The following CFAP161 variants were observed in gnomAD, a reference collection of about 807,000 sequenced individuals.
The protein encoded by CFAP161 is cilia- and flagella-associated protein 161.
CFAP161 carries 25 observed loss-of-function variants against 29.0 expected under a neutral mutation model. The observed-to-expected ratio is 0.86, with a 90% CI of 0.63 to 1.20. The LOEUF (loss-of-function observed/expected upper bound fraction) is 1.20. CFAP161 is among the 50% of genes most tolerant of loss of function. The pLI is 0.00. For missense variants in CFAP161, 367 were observed against 371.9 expected, an observed-to-expected ratio of 0.99 and a Z score of 0.11; for synonymous variants, 116 against 137.4, an observed-to-expected ratio of 0.84 and a Z score of 1.09.
chr15:81,117,197 T>C (rs75153028), intron 1 of CFAP161, among the ~76,000 whole-genome samples: 5,304 of 147,388 alleles, frequency 0.036, 328 homozygotes, highest in African/African-American at 0.12. Context: ...TTTCCAATTG[T>C]ATCATACTTA....
chr15:81,112,792 A>C (rs1894454158), intron 1 of CFAP161, among the ~76,000 whole-genome samples: 1 of 152,226 alleles, frequency 6.6e-6, no homozygotes, highest in Non-Finnish European at 1.5e-5. Context: ...TAAATACATA[A>C]ATCATAAAAA....
At chr15:81,145,330 C>A (rs1894988977) in intron 5 of CFAP161, among the ~76,000 whole-genome samples, 1 of 152,224 alleles carries the variant, frequency 6.6e-6, no homozygotes, top group Non-Finnish European at 1.5e-5. Context: ...GAATTGCCTT[C>A]TAGTTCCACA....
At chr15:81,124,112 G>A (rs1403281919) in intron 1 of CFAP161, among the ~76,000 whole-genome samples, 1 of 152,134 alleles carries the variant, frequency 6.6e-6, no homozygotes, top group Non-Finnish European at 1.5e-5. Flanking sequence ...TCCTTGTCTT[G>A]TGCCAGTTTT....
rs866710598 is a variant in CFAP161 at position 81,135,361 on chromosome 15, T to C, written c.159+2T>C. ...CTAAAACAGAATCTCTTGAGACCGGTAACTTTTTTTTTTTTTATTACACTT... is the reference window on the plus strand; with the variant it reads ...CTAAAACAGAATCTCTTGAGACCGGCAACTTTTTTTTTTTTTATTACACTT... On this transcript the variant is annotated splice_donor_variant, in intron 2 of 6. Transcript: ENST00000286732. LOFTEE classifies it high-confidence loss of function. The C allele has an allele frequency of 1.3e-6, 2 of 1,572,608 alleles. No homozygotes were observed. The highest frequency in any genetic ancestry group is 1.7e-6 in the Non-Finnish European group (2 of 1,165,516).
At chr15:81,120,158 C>T (rs2141868309) in intron 1 of CFAP161, among the ~76,000 whole-genome samples, 1 of 152,302 alleles carries the variant, frequency 6.6e-6, no homozygotes. Context: ...AGTGTGATTG[C>T]TCTTCCTTAG....
chr15:81,103,949 C>G (rs536817522), intron 1 of CFAP161, among the ~76,000 whole-genome samples: 1 of 144,386 alleles, frequency 6.9e-6, no homozygotes, highest in African/African-American at 2.4e-5. Context: ...CACAGATGTC[C>G]TCTTCTATGT....
chr15:81,101,650 C>G (rs1894305598), intron 1 of CFAP161, among the ~76,000 whole-genome samples: 1 of 150,676 alleles, frequency 6.6e-6, no homozygotes, highest in Non-Finnish European at 1.5e-5. Flanking sequence ...TGGGCAATAG[C>G]TCTTTGCCGA....
exon 2 of CFAP161, chr15:81,127,673 T>C (rs1199767574): frequency 3.9e-5 from 6 of 152,044 alleles, no homozygotes; most frequent in African/African-American, 1.4e-4. Flanking sequence ...GAGAGAAAAC[T>C]CACCAGGGCA....
chr15:81,125,860 GTTTGTTTTTGTT>G (rs532050174), intron 1 of CFAP161, among the ~76,000 whole-genome samples: 17 of 151,810 alleles, frequency 1.1e-4, no homozygotes, highest in Admixed American at 5.2e-4. Context: ...TGTTTTTTTT[GTTTGTTTTTGTT>G]TTTGTTTTTG....
rs568054920 is a variant in CFAP161 at position 81,103,236 on chromosome 15, G to A, written c.-141-24354G>A. ...TACTGTAGTGTTGTGATAAAGACTG[G>A]TTTTCATCTATGATTCCTGGCTCAT... On this transcript the variant is annotated intron_variant, in intron 1 of 4. Coordinates refer to the CFAP161 transcript ENST00000560091. Among the ~76,000 whole-genome samples, 53 of 152,300 alleles carry A rather than the reference G, an allele frequency of 3.5e-4. 1 individual carries two copies. In the East Asian group the frequency reaches 8.9e-3, roughly 26 times the overall value.
intron 1 of CFAP161, among the ~76,000 whole-genome samples, chr15:81,112,975 G>A (rs1894456100): frequency 6.6e-6 from 1 of 152,088 alleles, no homozygotes; most frequent in Non-Finnish European, 1.5e-5. Flanking sequence ...TTTAATCTTG[G>A]CTTTGAGAGT....
chr15:81,101,855 C>T (rs182465562), intron 1 of CFAP161, among the ~76,000 whole-genome samples: 79 of 152,104 alleles, frequency 5.2e-4, no homozygotes, highest in Admixed American at 1.6e-3. Context: ...GCAATGACAT[C>T]CCCCCAAACT....
intron 1 of CFAP161, among the ~76,000 whole-genome samples, chr15:81,104,769 G>A (rs148062350): frequency 6.6e-6 from 1 of 152,266 alleles, no homozygotes; most frequent in African/African-American, 2.4e-5. Context: ...CATCCCTGTA[G>A]GCTTCTATAC....
chr15:81,138,100 T>G lies in CFAP161; in HGVS notation c.442T>G (p.Cys148Gly), dbSNP rs192014112. The G allele has an allele frequency of 6.2e-7, 1 of 1,613,362 alleles. No individual in the cohort carries two copies. The highest frequency in any genetic ancestry group is 8.5e-7 in the Non-Finnish European group (1 of 1,179,248). ...AGTCCTTAGATATGGGCAGGACTTTTGCCTGGGGATAACAGGAGGATTTGA... is the reference window on the plus strand; with the variant it reads ...AGTCCTTAGATATGGGCAGGACTTTGGCCTGGGGATAACAGGAGGATTTGA... ...GQVLRYGQDFCLGITGGFDNK... is the reference protein window; with the variant it reads ...GQVLRYGQDFGLGITGGFDNK... The change falls in exon 4 of 7, where the codon TGC (cysteine) becomes GGC (glycine). Residue 148 changes from cysteine (C) to glycine (G), a missense_variant. By Grantham distance (159) the Cys-to-Gly change is radical (BLOSUM62 -3). Transcript: ENST00000286732.
In CFAP161 at chr15:81,145,671, C is replaced by T. The variant is rs113510202; in HGVS notation, c.636+1851C>T. Among the ~76,000 whole-genome samples, 312 of 152,268 alleles carry T rather than the reference C, an allele frequency of 2.0e-3. 1 individual carries two copies. The highest frequency in any genetic ancestry group is 7.2e-3 in the African/African-American group (301 of 41,544). ...TGGTTACACATCTGTAAATGGGAAACCCCAAACCTGTCTGAGCTACCTTGC... is the reference window on the plus strand; with the variant it reads ...TGGTTACACATCTGTAAATGGGAAATCCCAAACCTGTCTGAGCTACCTTGC... On this transcript the variant is annotated intron_variant, in intron 5 of 6. Transcript: ENST00000286732.
At chr15:81,116,270 T>C (rs1229835463) in intron 1 of CFAP161, among the ~76,000 whole-genome samples, 1 of 152,138 alleles carries the variant, frequency 6.6e-6, no homozygotes, top group Non-Finnish European at 1.5e-5. Context: ...TATGGAGTCA[T>C]TTCTTTTTTA....
Position 81,143,652 on chromosome 15 carries a change from T to C in CFAP161, c.478-10T>C. On this transcript the variant is annotated splice_polypyrimidine_tract_variant and intron_variant, in intron 4 of 6. Transcript: ENST00000286732. Reference sequence around the variant, plus strand: ...TCTGACTTAGTGCATCTGCTTGCTGTCATTTTCAGTTGTATTTGTCAAGTG... The same window carrying C: ...TCTGACTTAGTGCATCTGCTTGCTGCCATTTTCAGTTGTATTTGTCAAGTG... The C allele has an allele frequency of 6.2e-7, 1 of 1,607,040 alleles. No homozygotes were observed. Among genetic ancestry groups the C allele is most frequent in the Non-Finnish European group, 8.5e-7 (1 of 1,174,866 alleles).
At chr15:81,103,095 A>C (rs1255689956) in intron 1 of CFAP161, among the ~76,000 whole-genome samples, 1 of 152,184 alleles carries the variant, frequency 6.6e-6, no homozygotes, top group Non-Finnish European at 1.5e-5. Flanking sequence ...GATGGTGATG[A>C]TGGGCAACTT....
intron 5 of CFAP161, among the ~76,000 whole-genome samples, chr15:81,144,593 C>G (rs1567160539): frequency 6.6e-6 from 1 of 151,712 alleles, no homozygotes; most frequent in Non-Finnish European, 1.5e-5. Flanking sequence ...GAGACTCTGT[C>G]TCAAAATAAA....
Sources: allele counts gnomAD v4.1 joint callset (sites outside exome capture counted in the v4.1 genomes callset), GRCh38; gene constraint gnomAD v4.1.1; transcripts MANE v1.5; gene names NCBI Gene and HGNC (gene_info 2026-07-23, HGNC 2026-07-21).